The following KHDRBS2 variants were observed in gnomAD, a reference collection of about 807,000 sequenced individuals.
The protein encoded by KHDRBS2 is KH domain-containing, RNA-binding, signal transduction-associated protein 2.
A neutral mutation model predicts 44.3 loss-of-function variants in KHDRBS2; 26 were observed. The ratio of observed to expected loss-of-function variants is 0.59; its 90% CI spans 0.43 to 0.81. KHDRBS2 has a LOEUF of 0.81. KHDRBS2 is among the 40% of genes least tolerant of loss of function. KHDRBS2 has a pLI of 0.00. For synonymous variants in KHDRBS2, 194 were observed against 151.1 expected, an observed-to-expected ratio of 1.28 and a Z score of -2.08; for missense variants, 476 against 433.1, an observed-to-expected ratio of 1.10 and a Z score of -0.88.
the KHDRBS2 span, among the ~76,000 whole-genome samples, chr6:61,556,195 C>T: frequency 2.6e-5 from 4 of 152,086 alleles, no homozygotes; most frequent in Non-Finnish European, 5.9e-5. Flanking sequence ...ATGGTGCTGG[C>T]CACCTTTGTG....
the KHDRBS2 span, among the ~76,000 whole-genome samples, chr6:61,668,335 T>C: frequency 4.2e-4 from 64 of 151,256 alleles, no homozygotes; most frequent in East Asian, 5.9e-3. Context: ...ATACAAATTT[T>C]ATTTAACAGA....
intron 1 of KHDRBS2, among the ~76,000 whole-genome samples, chr6:62,221,849 C>A (rs1830952519): frequency 2.0e-5 from 3 of 152,070 alleles, no homozygotes; most frequent in Admixed American, 2.0e-4. Flanking sequence ...TATATAAGCA[C>A]ACCCTGAGAA....
rs189232251 is a variant in KHDRBS2, at chr6:62,161,528, C to G, written c.219+15657G>C. 9.4e-4 allele frequency among the ~76,000 whole-genome samples: 119 copies of G among 126,106 alleles called. No homozygotes were observed. In the East Asian group the frequency reaches 0.027, roughly 29 times the overall value. 82.7% of individuals were successfully genotyped at this position (126,106 alleles called of 152,430 possible). A position where few individuals can be genotyped will look rare whatever the true frequency, so the allele number is the denominator to read the frequency against. On this transcript the variant is annotated intron_variant, in intron 2 of 8. Coordinates refer to ENST00000281156, the MANE Select transcript of KHDRBS2 (RefSeq NM_152688.4). ...GCATAGGTTGTATGCAAATACTAGG[C>G]CATTTTAAATAAGGAACTTGAGCAT... is the stretch of plus-strand genomic sequence containing the variant.
At chr6:61,642,765 AT>A in the KHDRBS2 span, among the ~76,000 whole-genome samples, 1 of 152,174 alleles carries the variant, frequency 6.6e-6, no homozygotes, top group African/African-American at 2.4e-5. Context: ...AAATAATGCC[AT>A]CATGTTCCAA....
At chr6:62,270,222 T>C (rs1052230258) in intron 1 of KHDRBS2, among the ~76,000 whole-genome samples, 1 of 151,342 alleles carries the variant, frequency 6.6e-6, no homozygotes, top group African/African-American at 2.4e-5. Context: ...AAAGAGTAAG[T>C]TCTCACTCTA....
At chr6:61,886,269 C>A (rs1288632697) in intron 6 of KHDRBS2, among the ~76,000 whole-genome samples, 1 of 152,112 alleles carries the variant, frequency 6.6e-6, no homozygotes, top group African/African-American at 2.4e-5. Context: ...CATTATTTCC[C>A]TGCTATCTTA....
At chr6:61,561,087 TCTCACCATG>T in the KHDRBS2 span, among the ~76,000 whole-genome samples, 43 of 152,212 alleles carry the variant, frequency 2.8e-4, no homozygotes, top group Middle Eastern at 3.4e-3. Flanking sequence ...CTCAAAGAAG[TCTCACCATG>T]GCAGCCTTTA....
intron 6 of KHDRBS2, among the ~76,000 whole-genome samples, chr6:61,795,144 CAAAAAAAAAAAAAAAAAA>C (rs1166333660): frequency 3.4e-5 from 2 of 59,670 alleles, no homozygotes; most frequent in Admixed American, 4.7e-4. Flanking sequence ...GACTCCGTCT[CAAAAAAAAAAAAAAAAAA>C]AAAAAAAAGA....
chr6:62,244,000 G>C (rs1380434528), intron 1 of KHDRBS2, among the ~76,000 whole-genome samples: 1 of 151,932 alleles, frequency 6.6e-6, no homozygotes, highest in Non-Finnish European at 1.5e-5. Flanking sequence ...TAATCAATTA[G>C]TGTGATAAAT....
At chr6:62,113,999 C>G (rs1263514574) in intron 2 of KHDRBS2, among the ~76,000 whole-genome samples, 1 of 152,062 alleles carries the variant, frequency 6.6e-6, no homozygotes, top group Non-Finnish European at 1.5e-5. Context: ...GGGAAGCAAA[C>G]ACATTCTTCA....
chr6:61,838,305 A>G (rs1198319865), intron 6 of KHDRBS2, among the ~76,000 whole-genome samples: 1 of 152,022 alleles, frequency 6.6e-6, no homozygotes, highest in Non-Finnish European at 1.5e-5. Context: ...ATCATTAATA[A>G]AGTTACATTT....
At chr6:61,992,485 G>T (rs922651911) in intron 3 of KHDRBS2, among the ~76,000 whole-genome samples, 1 of 152,082 alleles carries the variant, frequency 6.6e-6, no homozygotes, top group Admixed American at 6.6e-5. Flanking sequence ...TCTTCTAAAT[G>T]ATATTAGTTC....
chr6:61,600,363 T>A, the KHDRBS2 span, among the ~76,000 whole-genome samples: 1 of 152,158 alleles, frequency 6.6e-6, no homozygotes, highest in Admixed American at 6.5e-5. Context: ...CCTTAAGTGA[T>A]GACATTACCA....
At chr6:62,107,949 T>C (rs1803893110) in intron 2 of KHDRBS2, among the ~76,000 whole-genome samples, 1 of 152,094 alleles carries the variant, frequency 6.6e-6, no homozygotes, top group Non-Finnish European at 1.5e-5. Context: ...TAATTCAAGA[T>C]GGATTAAAGA....
At chr6:62,068,737 A>G (rs1337643108) in intron 2 of KHDRBS2, among the ~76,000 whole-genome samples, 1 of 151,568 alleles carries the variant, frequency 6.6e-6, no homozygotes, top group Non-Finnish European at 1.5e-5. Flanking sequence ...TCCCAGTACC[A>G]TTTGTTGAAA....
At chr6:61,804,215 G>A (rs1314141128) in intron 6 of KHDRBS2, among the ~76,000 whole-genome samples, 1 of 152,126 alleles carries the variant, frequency 6.6e-6, no homozygotes, top group Admixed American at 6.6e-5. Context: ...CCCCTTGCAA[G>A]TCTGAAATCC....
At chr6:61,950,905 G>T (rs1376650938) in intron 4 of KHDRBS2, among the ~76,000 whole-genome samples, 4 of 151,934 alleles carry the variant, frequency 2.6e-5, no homozygotes, top group Non-Finnish European at 5.9e-5. Context: ...TCATAATTAG[G>T]AAATGTATGT....
At chr6:61,999,838 T>A (rs1321570491) in intron 3 of KHDRBS2, among the ~76,000 whole-genome samples, 1 of 152,078 alleles carries the variant, frequency 6.6e-6, no homozygotes, top group Non-Finnish European at 1.5e-5. Flanking sequence ...AACATTGTAT[T>A]AATAACATAA....
the KHDRBS2 span, among the ~76,000 whole-genome samples, chr6:61,589,666 G>A: frequency 1.3e-5 from 2 of 152,126 alleles, no homozygotes; most frequent in South Asian, 2.1e-4. Flanking sequence ...AGGGTGCAAG[G>A]ACTCCCAGTC....
Sources: gnomAD v4.1 joint callset for allele counts (sites outside exome capture counted in the v4.1 genomes callset) on GRCh38, gnomAD v4.1.1 for gene constraint, MANE v1.5 for transcripts, NCBI Gene and HGNC (gene_info 2026-07-23, HGNC 2026-07-21) for gene names.